Variants in ASXL2 observed in about 807,000 individuals in gnomAD.
ASXL2 encodes ASXL transcriptional regulator 2.
In ASXL2, 23 loss-of-function variants were observed where a neutral mutation model predicts 122.0. The ratio of observed to expected loss-of-function variants is 0.19; its 90% CI spans 0.14 to 0.27. The LOEUF (loss-of-function observed/expected upper bound fraction) is 0.27. ASXL2 is among the 10% of genes least tolerant of loss of function. ASXL2 has a pLI of 1.00. For missense variants in ASXL2, 1,518 were observed against 1,713.8 expected (o/e 0.89, Z 2.02); for synonymous variants, 650 against 637.0 (o/e 1.02, Z -0.31).
At chr2:25,766,221 C>G (rs1288569916) in intron 8 of ASXL2, among the ~76,000 whole-genome samples, 3 of 151,572 alleles carry the variant, frequency 2.0e-5, no homozygotes, top group Non-Finnish European at 4.4e-5. Flanking sequence ...TTTTCATGAC[C>G]CCATATGTTT....
chr2:25,874,505 G>C (rs755974072), intron 1 of ASXL2, among the ~76,000 whole-genome samples: 6 of 152,034 alleles, frequency 3.9e-5, no homozygotes, highest in Non-Finnish European at 8.8e-5. Context: ...AAAAAAATTA[G>C]CTGGGCATGG....
chr2:25,757,299 C>T (rs1375853557), intron 9 of ASXL2, among the ~76,000 whole-genome samples: 1 of 151,842 alleles, frequency 6.6e-6, no homozygotes, highest in South Asian at 2.1e-4. Context: ...ACTGTGGGCT[C>T]CAACCATGTT....
intron 5 of ASXL2, chr2:25,780,345 C>T (rs947309744): frequency 1.3e-5 from 2 of 152,018 alleles, no homozygotes; most frequent in African/African-American, 4.8e-5. Flanking sequence ...TTCTGCATTC[C>T]TTTTAATAGT....
chr2:25,856,988 T>C, intron 1 of ASXL2: 1 of 345,670 alleles, frequency 2.9e-6, no homozygotes, highest in Middle Eastern at 8.7e-4. Flanking sequence ...CAAATAACAG[T>C]AATGATAGCA....
intron 12 of ASXL2, among the ~76,000 whole-genome samples, chr2:25,748,386 A>G (rs2087977604): frequency 6.6e-6 from 1 of 151,750 alleles, no homozygotes; most frequent in African/African-American, 2.4e-5. Flanking sequence ...CATGCCTGTA[A>G]TCCCAGCTAC....
At chr2:25,786,606 C>A (rs1316406202) in intron 5 of ASXL2, among the ~76,000 whole-genome samples, 3 of 152,110 alleles carry the variant, frequency 2.0e-5, no homozygotes, top group Non-Finnish European at 4.4e-5. Flanking sequence ...GTAATCCCAG[C>A]ACTTTGAGAG....
chr2:25,774,764 G>C (rs1005114143), intron 5 of ASXL2, among the ~76,000 whole-genome samples: 2 of 152,182 alleles, frequency 1.3e-5, no homozygotes, highest in Admixed American at 6.5e-5. Context: ...AGTTTTAGGT[G>C]ATACTGCCAG....
chr2:25,765,489 AG>A (rs1317476445), intron 8 of ASXL2, among the ~76,000 whole-genome samples: 2 of 151,942 alleles, frequency 1.3e-5, no homozygotes, highest in Admixed American at 6.6e-5. Flanking sequence ...TCTCAAAAAA[AG>A]AAAAAAAAAA....
chr2:25,816,180 C>T (rs569961886), intron 3 of ASXL2, among the ~76,000 whole-genome samples: 7 of 150,096 alleles, frequency 4.7e-5, no homozygotes, highest in South Asian at 4.2e-4. Context: ...ATCCAAGAGG[C>T]GGAGGTTTCA....
intron 1 of ASXL2, among the ~76,000 whole-genome samples, chr2:25,855,105 C>T (rs913905402): frequency 2.6e-5 from 4 of 152,190 alleles, no homozygotes; most frequent in African/African-American, 7.2e-5. Context: ...CTCCTTTTGA[C>T]AGATACCTCA....
intron 1 of ASXL2, among the ~76,000 whole-genome samples, chr2:25,874,897 T>C (rs879722784): frequency 2.7e-5 from 4 of 150,788 alleles, no homozygotes; most frequent in East Asian, 1.9e-4. Flanking sequence ...CTGAGCAACA[T>C]AGGGAGACCC....
chr2:25,811,055 T>TACAC (rs34006530), intron 3 of ASXL2, among the ~76,000 whole-genome samples: 10,972 of 116,286 alleles, frequency 0.094, 581 homozygotes, highest in South Asian at 0.13. Context: ...AATACAAAAA[T>TACAC]ACACACACAC....
chr2:25,790,535 T>C lies in ASXL2; in HGVS notation c.403+8850A>G, dbSNP rs546760700. 7.8e-4 allele frequency among the ~76,000 whole-genome samples: 118 copies of C among 152,238 alleles called. 1 individual carries two copies. The highest frequency in any genetic ancestry group is 3.5e-3 in the South Asian group (17 of 4,824). On this transcript the variant is annotated intron_variant, in intron 5 of 12. Transcript: ENST00000435504. ...CTTATAGAAAAATAATCCCTTATAC[T>C]TCTCTATTACCAGTTTTACTTCAAA...
At chr2:25,827,582 T>A (rs181985696) in intron 3 of ASXL2, among the ~76,000 whole-genome samples, 1 of 152,240 alleles carries the variant, frequency 6.6e-6, no homozygotes, top group African/African-American at 2.4e-5. Context: ...AGAAATAATA[T>A]AAATGTAGCT....
In ASXL2 at chr2:25,736,204, T is replaced by C. The variant is rs938980351; in HGVS notation, c.*5825A>G. The C allele has an allele frequency of 1.3e-5, 2 of 152,128 alleles. No homozygotes were observed. The highest frequency in any genetic ancestry group is 4.8e-5 in the African/African-American group (2 of 41,426). 9.4% of individuals were successfully genotyped at this position (152,128 alleles called of 1,614,324 possible). On this transcript the variant is annotated 3_prime_UTR_variant, in exon 13 of 13. Coordinates refer to ENST00000435504, the MANE Select transcript of ASXL2 (RefSeq NM_018263.6). ...CGGGTTTCTGACTCAGTGAAGTAAA[T>C]AAAGGGTAGCTGGGGATCCAGGTTG...
intron 5 of ASXL2, among the ~76,000 whole-genome samples, chr2:25,797,327 C>A (rs930236668): frequency 6.6e-6 from 1 of 152,128 alleles, no homozygotes; most frequent in Non-Finnish European, 1.5e-5. Context: ...CGCCTGTAAT[C>A]CCAGCTACTC....
rs781134057 is a variant in ASXL2 at position 25,743,362 on chromosome 2, G to A, written c.2975C>T (p.Ala992Val). The A allele has an allele frequency of 1.4e-5, 23 of 1,613,830 alleles. No homozygotes were observed. In the South Asian group the frequency reaches 1.6e-4, roughly 12 times the overall value. The change falls in exon 13 of 13, where the codon GCG becomes GTG. Residue 992 changes from alanine to valine, a missense_variant. Physicochemically the swap from Ala to Val is moderately conservative, Grantham distance 64. Around this residue, in one of 8 missense-constraint regions of ASXL2, gnomAD observed 831 missense variants for 833.1 expected, o/e 1.00. Coordinates refer to ENST00000435504, the MANE Select transcript of ASXL2 (RefSeq NM_018263.6). ...TTCTGTTGTGTTGGTAGCTATGAGC[G>A]CTCCCATCCCCCTTTCCTCTTTTGC... ...LTAKEERGMG[A>V]LIATNTTENS...
intron 5 of ASXL2, among the ~76,000 whole-genome samples, chr2:25,798,007 T>G (rs10198667): frequency 0.33 from 49,809 of 152,136 alleles, 8,783 homozygotes; most frequent in African/African-American, 0.43. Flanking sequence ...TAGGTGAATG[T>G]ATAAACAAAC....
intron 5 of ASXL2, among the ~76,000 whole-genome samples, chr2:25,776,594 T>C (rs1228458823): frequency 6.6e-6 from 1 of 152,254 alleles, no homozygotes; most frequent in Non-Finnish European, 1.5e-5. Context: ...CCAAAATGGA[T>C]GCACTATTTT....
Sources: gnomAD v4.1 joint callset for allele counts (sites outside exome capture counted in the v4.1 genomes callset) on GRCh38, gnomAD v4.1.1 for gene constraint, gnomAD v4.1.1 regional missense constraint, MANE v1.5 for transcripts, NCBI Gene and HGNC (gene_info 2026-07-23, HGNC 2026-07-21) for gene names.